SEMA3A: variants seen among roughly 807,000 people sequenced by gnomAD.
SEMA3A encodes the protein semaphorin 3A, also known as semaphorin-3A.
Under a neutral mutation model 97.9 loss-of-function variants are expected in SEMA3A, and 29 were observed. That is an observed-to-expected ratio of 0.30 (90% confidence interval 0.22 to 0.40). The LOEUF is 0.40. SEMA3A is among the 10% of genes least tolerant of loss of function. The pLI is 1.00. For synonymous variants in SEMA3A, 321 were observed against 323.7 expected (o/e 0.99, Z 0.09); for missense variants, 763 against 951.3 (o/e 0.80, Z 2.60).
chr7:84,334,568 C>T (rs1178090368), intron 2 of SEMA3A, among the ~76,000 whole-genome samples: 5 of 152,036 alleles, frequency 3.3e-5, no homozygotes, highest in Non-Finnish European at 7.4e-5. Context: ...CTCCTTGCTT[C>T]CTGTTTTGCT....
intron 1 of SEMA3A, among the ~76,000 whole-genome samples, chr7:84,384,582 C>T (rs1803353521): frequency 6.6e-6 from 1 of 152,100 alleles, no homozygotes; most frequent in Admixed American, 6.6e-5. Flanking sequence ...TGTGGATTCC[C>T]ATGACATCCC....
At chr7:84,423,381 T>C (rs1231338048) in intron 1 of SEMA3A, among the ~76,000 whole-genome samples, 4 of 152,084 alleles carry the variant, frequency 2.6e-5, no homozygotes, top group African/African-American at 9.7e-5. Context: ...ACTGGGCATA[T>C]TTCTGCCTTG....
chr7:84,351,062 T>C (rs1338900690), intron 2 of SEMA3A, among the ~76,000 whole-genome samples: 1 of 136,106 alleles, frequency 7.3e-6, no homozygotes, highest in Non-Finnish European at 1.5e-5. Flanking sequence ...GATGTACACA[T>C]GCATACACAC....
chr7:84,145,252 T>C (rs892824056), intron 1 of SEMA3A, among the ~76,000 whole-genome samples: 1 of 152,118 alleles, frequency 6.6e-6, no homozygotes, highest in African/African-American at 2.4e-5. Flanking sequence ...GCCCTGTACA[T>C]ACATAGATTA....
chr7:84,415,919 T>G (rs999109990), intron 1 of SEMA3A, among the ~76,000 whole-genome samples: 1 of 152,024 alleles, frequency 6.6e-6, no homozygotes, highest in South Asian at 2.1e-4. Flanking sequence ...ACACTCTGTG[T>G]TATGTTAGGG....
In SEMA3A at chr7:84,192,432, A is replaced by G. The variant is rs531509899; in HGVS notation, c.112+2043T>C. ...TACCAAATTATTAAGCTCTAGGTGT[A>G]TCAATGGGATTGTTATGTAGCTGTA... is the stretch of plus-strand genomic sequence containing the variant. On this transcript the variant is annotated intron_variant, in intron 1 of 16. Transcript: ENST00000265362. Among the ~76,000 whole-genome samples, 4 of 152,080 alleles carry G rather than the reference A, an allele frequency of 2.6e-5. No homozygotes were observed. The South Asian group carries it at 8.3e-4, about 31-fold the overall frequency.
At chr7:84,090,895 C>T (rs1293019592) in intron 4 of SEMA3A, among the ~76,000 whole-genome samples, 1 of 151,076 alleles carries the variant, frequency 6.6e-6, no homozygotes, top group Non-Finnish European at 1.5e-5. Flanking sequence ...GGTGAAATTC[C>T]ATCTCTGCTA....
At chr7:84,184,587 TAAA>T (rs1797820566) in intron 1 of SEMA3A, among the ~76,000 whole-genome samples, 3 of 151,968 alleles carry the variant, frequency 2.0e-5, no homozygotes, top group Admixed American at 2.0e-4. Context: ...TACTACCAGG[TAAA>T]AAGGTGGGGG....
intron 2 of SEMA3A, among the ~76,000 whole-genome samples, chr7:84,369,596 C>T (rs960336431): frequency 6.6e-6 from 1 of 150,702 alleles, no homozygotes; most frequent in African/African-American, 2.4e-5. Context: ...GGAAAGACAA[C>T]ACATTCCTAA....
At chr7:84,447,484 C>T (rs1460081773) in intron 1 of SEMA3A, among the ~76,000 whole-genome samples, 2 of 152,126 alleles carry the variant, frequency 1.3e-5, no homozygotes, top group African/African-American at 2.4e-5. Context: ...CCAATCAACA[C>T]ACACCTCCTC....
At chr7:84,013,606 A>T (rs1365536909) in intron 7 of SEMA3A, among the ~76,000 whole-genome samples, 2 of 152,140 alleles carry the variant, frequency 1.3e-5, no homozygotes, top group Non-Finnish European at 2.9e-5. Context: ...CTGTAATCCC[A>T]GCCCTTTCGG....
At chr7:84,412,518 C>G (rs775208369) in intron 1 of SEMA3A, among the ~76,000 whole-genome samples, 2 of 152,138 alleles carry the variant, frequency 1.3e-5, no homozygotes, top group African/African-American at 2.4e-5. Flanking sequence ...CCCTAAAGCT[C>G]TTTCATTACT....
intron 3 of SEMA3A, among the ~76,000 whole-genome samples, chr7:84,126,143 T>A (rs1562798114): frequency 6.6e-6 from 1 of 152,192 alleles, no homozygotes; most frequent in African/African-American, 2.4e-5. Context: ...TATTAATATC[T>A]CAGTTACGTA....
chr7:84,029,762 T>A, intron 6 of SEMA3A, among the ~76,000 whole-genome samples: 1 of 151,848 alleles, frequency 6.6e-6, no homozygotes, highest in East Asian at 1.9e-4. Flanking sequence ...GGAACAATTT[T>A]TTTATTATCT....
intron 2 of SEMA3A, among the ~76,000 whole-genome samples, chr7:84,310,519 T>C (rs921965136): frequency 1.3e-5 from 2 of 152,102 alleles, no homozygotes; most frequent in Non-Finnish European, 2.9e-5. Context: ...GAAACTCCTA[T>C]TACAAATAGA....
rs555283410 is a variant in SEMA3A at position 83,991,497 on chromosome 7, A to G, written c.1453-6020T>C. Among the ~76,000 whole-genome samples, 415 of 150,964 alleles carry G rather than the reference A, an allele frequency of 2.7e-3. 4 individuals are homozygous for G. Among genetic ancestry groups the G allele is most frequent in the African/African-American group, 9.7e-3 (402 of 41,292 alleles). On this transcript the variant is annotated intron_variant, in intron 12 of 16. Coordinates refer to ENST00000265362, the MANE Select transcript of SEMA3A (RefSeq NM_006080.3). ...TTATTATTTTGAAATACGTCCCATCAATACCTAATTTATTGAGAGTTTTTA... is the reference window on the plus strand; with the variant it reads ...TTATTATTTTGAAATACGTCCCATCGATACCTAATTTATTGAGAGTTTTTA...
At chr7:84,279,162 C>T (rs895125870) in intron 3 of SEMA3A, among the ~76,000 whole-genome samples, 1 of 152,076 alleles carries the variant, frequency 6.6e-6, no homozygotes, top group African/African-American at 2.4e-5. Context: ...AAGTATCTCT[C>T]TTCAAAGTAC....
intron 5 of SEMA3A, among the ~76,000 whole-genome samples, chr7:84,057,913 G>C (rs984061847): frequency 2.0e-5 from 3 of 152,102 alleles, no homozygotes; most frequent in Non-Finnish European, 4.4e-5. Flanking sequence ...TCATTCAGTA[G>C]CTTTGCATTG....
intron 2 of SEMA3A, among the ~76,000 whole-genome samples, chr7:84,307,979 G>A (rs368628844): frequency 6.6e-6 from 1 of 151,566 alleles, no homozygotes; most frequent in Non-Finnish European, 1.5e-5. Context: ...AAGCTGGGCC[G>A]AGGATTTAAT....
Sources: gnomAD v4.1 joint callset for allele counts (sites outside exome capture counted in the v4.1 genomes callset) on GRCh38, gnomAD v4.1.1 for gene constraint, MANE v1.5 for transcripts, NCBI Gene and HGNC (gene_info 2026-07-23, HGNC 2026-07-21) for gene names.